The following ADGRL2 variants were observed in gnomAD, a reference collection of about 807,000 sequenced individuals.
ADGRL2 encodes calcium-independent alpha-latrotoxin receptor 2.
Under a neutral mutation model 157.4 loss-of-function variants are expected in ADGRL2, and 44 were observed. The observed-to-expected ratio is 0.28, with a 90% CI of 0.22 to 0.36. The LOEUF is 0.36. ADGRL2 is among the 10% of genes least tolerant of loss of function. The pLI is 1.00. For missense variants in ADGRL2, 1,510 were observed against 1,768.9 expected, an observed-to-expected ratio of 0.85 and a Z score of 2.63; for synonymous variants, 585 against 624.7, an observed-to-expected ratio of 0.94 and a Z score of 0.95.
At chr1:81,347,063 G>A (rs1198952018) in intron 1 of ADGRL2, among the ~76,000 whole-genome samples, 1 of 152,140 alleles carries the variant, frequency 6.6e-6, no homozygotes, top group Non-Finnish European at 1.5e-5. Context: ...TCTTATTGAA[G>A]ATATAGTCAC....
chr1:81,620,648 A>G (rs1294111112), intron 3 of ADGRL2, among the ~76,000 whole-genome samples: 1 of 152,234 alleles, frequency 6.6e-6, no homozygotes, highest in East Asian at 1.9e-4. Flanking sequence ...AAGTTATATA[A>G]CTGTGATATA....
intron 2 of ADGRL2, among the ~76,000 whole-genome samples, chr1:81,532,421 T>C (rs2079622043): frequency 1.3e-5 from 2 of 152,164 alleles, no homozygotes; most frequent in South Asian, 4.1e-4. Flanking sequence ...TTTTTTTAAC[T>C]TCTATTCTCT....
intron 11 of ADGRL2, among the ~76,000 whole-genome samples, chr1:81,956,592 T>A (rs548951481): frequency 1.9e-4 from 29 of 152,162 alleles, no homozygotes; most frequent in Non-Finnish European, 3.8e-4. Context: ...ACAGATAGTG[T>A]TGAAGCATAA....
At position 81,747,172 on chromosome 1, in the gene ADGRL2, T is replaced by C. The variant is rs186807428; in HGVS notation, c.-142-14639T>C. ...ATACGTATATATGTATGTGTGTATA[T>C]ATACATATATGTATGTGTGTATGCA... On this transcript the variant is annotated intron_variant, in intron 1 of 20. Coordinates refer to the ADGRL2 transcript ENST00000359929. 5.9e-3 allele frequency among the ~76,000 whole-genome samples: 803 copies of C among 137,112 alleles called. 18 individuals carry two copies. The highest frequency in any genetic ancestry group is 0.02 in the African/African-American group (775 of 37,892). 90.0% of individuals were successfully genotyped at this position (137,112 alleles called of 152,430 possible).
chr1:81,326,499 G>A (rs1258819599), intron 1 of ADGRL2, among the ~76,000 whole-genome samples: 1 of 152,102 alleles, frequency 6.6e-6, no homozygotes. Context: ...CTGTTTTAAT[G>A]GACCATTCTT....
chr1:81,644,529 A>G (rs1024789773), intron 3 of ADGRL2, among the ~76,000 whole-genome samples: 1 of 152,182 alleles, frequency 6.6e-6, no homozygotes, highest in South Asian at 2.1e-4. Flanking sequence ...AACAATAAGA[A>G]CACAAACCCG....
At chr1:81,495,401 G>C (rs985804020) in intron 2 of ADGRL2, among the ~76,000 whole-genome samples, 2 of 152,182 alleles carry the variant, frequency 1.3e-5, no homozygotes, top group African/African-American at 4.8e-5. Flanking sequence ...AAGTAAAATA[G>C]AGCAGGTATA....
chr1:81,679,188 G>A (rs1288529312), intron 3 of ADGRL2, among the ~76,000 whole-genome samples: 2 of 152,144 alleles, frequency 1.3e-5, no homozygotes, highest in African/African-American at 2.4e-5. Context: ...AGGATTGAGT[G>A]TAAGAAAAAT....
intron 2 of ADGRL2, among the ~76,000 whole-genome samples, chr1:81,555,109 A>G (rs1014170248): frequency 1.1e-4 from 17 of 152,044 alleles, no homozygotes; most frequent in African/African-American, 4.1e-4. Flanking sequence ...AAAATGAGCC[A>G]AGGCACAGAG....
At chr1:81,622,340 T>C (rs1241510012) in intron 3 of ADGRL2, among the ~76,000 whole-genome samples, 1 of 152,162 alleles carries the variant, frequency 6.6e-6, no homozygotes, top group Non-Finnish European at 1.5e-5. Flanking sequence ...CCCAGCACTT[T>C]GGGAGGCCGA....
chr1:81,809,736 T>C (rs2149631063), intron 1 of ADGRL2, among the ~76,000 whole-genome samples: 1 of 151,958 alleles, frequency 6.6e-6, no homozygotes, highest in East Asian at 1.9e-4. Flanking sequence ...TTTTATAGTC[T>C]GTTTCTCTGT....
At chr1:81,724,979 G>T (rs555787289) in intron 1 of ADGRL2, among the ~76,000 whole-genome samples, 1 of 151,988 alleles carries the variant, frequency 6.6e-6, no homozygotes, top group East Asian at 1.9e-4. Flanking sequence ...GCCGAGGCAG[G>T]TGGATCACAA....
At chr1:81,654,555 T>C (rs2082490133) in intron 3 of ADGRL2, among the ~76,000 whole-genome samples, 1 of 152,198 alleles carries the variant, frequency 6.6e-6, no homozygotes, top group African/African-American at 2.4e-5. Context: ...CAATCCTACA[T>C]ATAATTGTGA....
intron 2 of ADGRL2, among the ~76,000 whole-genome samples, chr1:81,544,197 T>C (rs1426456221): frequency 1.3e-5 from 2 of 152,178 alleles, no homozygotes; most frequent in African/African-American, 4.8e-5. Context: ...TGACTCCAAC[T>C]AGAAAGTAAA....
chr1:81,474,661 C>T (rs1170689053), intron 2 of ADGRL2, among the ~76,000 whole-genome samples: 1 of 152,208 alleles, frequency 6.6e-6, no homozygotes, highest in Non-Finnish European at 1.5e-5. Context: ...TGATGCTATA[C>T]TATCAAGAAC....
chr1:81,802,280 C>G (rs1263621019), intron 1 of ADGRL2, among the ~76,000 whole-genome samples: 1 of 152,042 alleles, frequency 6.6e-6, no homozygotes, highest in Admixed American at 6.5e-5. Context: ...CTTCGGAGAC[C>G]TGTTTGCTTT....
At chr1:81,824,169 C>G (rs1011333587) in intron 1 of ADGRL2, among the ~76,000 whole-genome samples, 1 of 152,120 alleles carries the variant, frequency 6.6e-6, no homozygotes, top group Non-Finnish European at 1.5e-5. Context: ...GTTTAAGCCT[C>G]AGTGCCTTGA....
In ADGRL2 at chr1:81,642,085, C is replaced by CAA. The variant is rs35660017; in HGVS notation, c.-143+61117_-143+61118dup. Among the ~76,000 whole-genome samples, 1,015 of 142,536 alleles carry CAA rather than the reference C, an allele frequency of 7.1e-3. 15 individuals are homozygous for CAA. Among genetic ancestry groups the CAA allele is most frequent in the African/African-American group, 0.02 (765 of 38,988 alleles). The allele number at this position is 142,536 out of a possible 152,430, so 93.5% of individuals were successfully genotyped here. A position where few individuals can be genotyped will look rare whatever the true frequency, so the allele number is the denominator to read the frequency against. ...CAAAACCCTCTCTCTACTAAACATA[C>CAA]AAAAAAAAAAAAATTAGCCAGGTGT... is the stretch of plus-strand genomic sequence containing the variant. On this transcript the variant is annotated intron_variant, in intron 3 of 24. Coordinates refer to the ADGRL2 transcript ENST00000370721.
intron 2 of ADGRL2, among the ~76,000 whole-genome samples, chr1:81,567,452 C>G (rs17106705): frequency 0.037 from 5,579 of 152,056 alleles, 124 homozygotes; most frequent in African/African-American, 0.046. Context: ...ATCATGAATA[C>G]AATAAGGAAA....
Sources: allele counts gnomAD v4.1 joint callset (sites outside exome capture counted in the v4.1 genomes callset), GRCh38; gene constraint gnomAD v4.1.1; transcripts MANE v1.5; gene names NCBI Gene and HGNC (gene_info 2026-07-23, HGNC 2026-07-21).